Variants in AMPD3 observed in about 807,000 individuals in gnomAD.
AMPD3 encodes AMP deaminase 3.
In AMPD3, 57 loss-of-function variants were observed where a neutral mutation model predicts 82.3. The ratio of observed to expected loss-of-function variants is 0.69; its 90% CI spans 0.56 to 0.86. AMPD3 has a LOEUF of 0.86. AMPD3 is among the 40% of genes least tolerant of loss of function. The pLI, the probability that AMPD3 is intolerant of heterozygous loss-of-function variation, is 0.00. For synonymous variants in AMPD3, 381 were observed against 394.7 expected (o/e 0.97, Z 0.41); for missense variants, 870 against 1,003.8 (o/e 0.87, Z 1.80).
chr11:10,477,072 C>T (rs963692737), intron 2 of AMPD3: 13 of 985,294 alleles, frequency 1.3e-5, no homozygotes, highest in Admixed American at 6.2e-5. Context: ...TGTGTAAACA[C>T]GGGAGGAGAA....
Position 10,500,158 on chromosome 11 carries a change from C to T in AMPD3, c.1630C>T (p.Pro544Ser). The T allele has an allele frequency of 6.2e-7, 1 of 1,614,214 alleles. No homozygotes were observed. Among genetic ancestry groups the T allele is most frequent in the Admixed American group, 1.7e-5 (1 of 60,030 alleles). The change falls in exon 11 of 15, where the codon CCG becomes TCG. Residue 544 changes from proline (P) to serine (S), a missense_variant. Pro to Ser is a moderately conservative substitution (Grantham distance 74). Transcript: ENST00000396553. ...DHMFSDKSPNPDVWTSEQNPP... is the reference protein window; with the variant it reads ...DHMFSDKSPNSDVWTSEQNPP... ...CATGTTTTCCGACAAGAGCCCAAAC[C>T]CGGACGTCTGGACCAGTGAGCAGAA... is the stretch of plus-strand genomic sequence containing the variant.
chr11:10,455,084 C>A, upstream of AMPD3: 1 of 941,800 alleles, frequency 1.1e-6, no homozygotes, highest in Non-Finnish European at 1.3e-6. Flanking sequence ...GGAGGTGACT[C>A]AGGCCCAAGT....
intron 2 of AMPD3, among the ~76,000 whole-genome samples, chr11:10,466,325 A>G (rs1848420195): frequency 6.6e-6 from 1 of 151,432 alleles, no homozygotes. Flanking sequence ...GCAGTCTGAG[A>G]TCAATCTGGG....
At chr11:10,482,042 C>T in intron 3 of AMPD3, 21 bp from the exon 4 acceptor site, 1 of 1,614,176 alleles carries the variant, frequency 6.2e-7, no homozygotes, top group Non-Finnish European at 8.5e-7. Flanking sequence ...GAACCCTTTC[C>T]TGCCTGCCTC....
intron 4 of AMPD3, among the ~76,000 whole-genome samples, chr11:10,483,045 G>T (rs905764013): frequency 2.0e-5 from 3 of 152,168 alleles, no homozygotes; most frequent in Non-Finnish European, 4.4e-5. Flanking sequence ...ATCTGTAAAT[G>T]GAAATGCAAA....
chr11:10,486,747 C>T (rs1039098410), intron 5 of AMPD3: 3 of 985,206 alleles, frequency 3.0e-6, no homozygotes, highest in Non-Finnish European at 3.6e-6. Flanking sequence ...GTTATCAATC[C>T]TCTGGGCAAC....
At chr11:10,450,559 GC>G, upstream of AMPD3, 7 of 986,740 alleles carry the variant, frequency 7.1e-6, no homozygotes, top group Non-Finnish European at 8.4e-6. Flanking sequence ...GCCCGGCGGG[GC>G]CAGCGCAGTT....
intron 7 of AMPD3, 174 bp downstream of exon 7, chr11:10,493,717 T>A (rs1351722555): frequency 2.6e-6 from 2 of 774,800 alleles, no homozygotes; most frequent in Admixed American, 2.0e-5. Flanking sequence ...GGGGCAGCCA[T>A]GGGACAGGGA....
In AMPD3 at chr11:10,500,127, C is replaced by T. The variant is rs543182538; in HGVS notation, c.1599C>T (p.Ser533=). 3.1e-6 allele frequency: 5 copies of T among 1,614,158 alleles called. No homozygotes were observed. The highest frequency in any genetic ancestry group is 1.7e-5 in the Admixed American group (1 of 60,034). Residue 533 remains serine, a synonymous_variant, in exon 11 of 15, where the codon AGC becomes AGT. Transcript: ENST00000396553. ...GCGTGGATGATGAGTCCAAGCACAG[C>T]GACCACATGTTTTCCGACAAGAGCC... ...FDSVDDESKH[S]DHMFSDKSPN...
chr11:10,486,100 G>C (rs1026770961), intron 5 of AMPD3, among the ~76,000 whole-genome samples: 2 of 152,168 alleles, frequency 1.3e-5, no homozygotes. Context: ...GGGCAGGGGC[G>C]GTTCCTCAGA....
chr11:10,483,628 G>A (rs999896422), intron 4 of AMPD3, among the ~76,000 whole-genome samples: 1 of 152,208 alleles, frequency 6.6e-6, no homozygotes, highest in African/African-American at 2.4e-5. Context: ...AGCTTCACCC[G>A]GGCCTTGAAC....
At chr11:10,502,047 C>G in intron 12 of AMPD3, 1 of 985,322 alleles carries the variant, frequency 1.0e-6, no homozygotes, top group Non-Finnish European at 1.2e-6. Context: ...TTGACTCAAC[C>G]AGTCCACACT....
intron 10 of AMPD3, among the ~76,000 whole-genome samples, chr11:10,498,835 G>C (rs1412689444): frequency 6.6e-6 from 1 of 152,196 alleles, no homozygotes; most frequent in South Asian, 2.1e-4. Flanking sequence ...AAGCACTGCC[G>C]TGGCCTGGTA....
chr11:10,505,271 T>C (rs1849685742), intron 14 of AMPD3: 4 of 978,294 alleles, frequency 4.1e-6, no homozygotes, highest in Non-Finnish European at 4.8e-6. Flanking sequence ...GGGGCTGTGC[T>C]CGTCGGATGA....
chr11:10,505,347 C>T, intron 14 of AMPD3: 3 of 976,058 alleles, frequency 3.1e-6, no homozygotes, highest in Non-Finnish European at 3.6e-6. Context: ...GATTGGCCCT[C>T]CCCAGGAACA....
intron 2 of AMPD3, among the ~76,000 whole-genome samples, chr11:10,475,288 T>C (rs1484089187): frequency 1.3e-5 from 2 of 152,148 alleles, no homozygotes; most frequent in Non-Finnish European, 2.9e-5. Context: ...ACCAAGGAGA[T>C]GGTGCTAGAC....
chr11:10,461,650 C>A lies in AMPD3; in HGVS notation c.131C>A (p.Pro44Gln). Residue 44 changes from proline to glutamine, a missense_variant, in exon 2 of 15, where the codon CCA (proline) becomes CAA (glutamine). By Grantham distance (76) the Pro-to-Gln change is moderately conservative. Transcript: ENST00000396553. ...SKDALSLFTVPEDCPIGQKEA... is the reference protein window; with the variant it reads ...SKDALSLFTVQEDCPIGQKEA... ...GATGCCCTGTCCCTGTTCACTGTCC[C>A]AGAGGACTGCCCCATCGGGCAAAAG... 6.2e-7 allele frequency: 1 copy of A among 1,614,214 alleles called. No homozygotes were observed. The highest frequency in any genetic ancestry group is 1.3e-5 in the African/African-American group (1 of 75,054).
chr11:10,493,518 C>A lies in AMPD3; in HGVS notation c.1109C>A (p.Thr370Asn). 6.2e-7 allele frequency: 1 copy of A among 1,614,192 alleles called. No homozygotes were observed. Among genetic ancestry groups the A allele is most frequent in the South Asian group, 1.1e-5 (1 of 91,082 alleles). The change falls in exon 7 of 15, where the codon ACT becomes AAT. Residue 370 changes from threonine to asparagine, a missense_variant. By Grantham distance (65) the Thr-to-Asn change is moderately conservative (BLOSUM62 0). Coordinates refer to ENST00000396553, the MANE Select transcript of AMPD3 (RefSeq NM_001025389.2). ...CTGCACATGGACCCCTACGACCTCA[C>A]TGTGGACTCACTGGATGTCCACGCG... is the stretch of plus-strand genomic sequence containing the variant. ...DGLHMDPYDLTVDSLDVHAGR... is the reference protein window; with the variant it reads ...DGLHMDPYDLNVDSLDVHAGR...
chr11:10,494,820 G>T lies in AMPD3; in HGVS notation c.1135-79G>T. ...TTTCGGTGTGGCCATACAGAAGGCC[G>T]CCTCGTAAAGGTCTAGAGAGGGGAA... On this transcript the variant is annotated intron_variant, in intron 7 of 14. Coordinates refer to ENST00000396553, the MANE Select transcript of AMPD3 (RefSeq NM_001025389.2). 3 of 1,575,832 alleles carry T rather than the reference G, an allele frequency of 1.9e-6. No individual in the cohort carries two copies. In the South Asian group the frequency reaches 3.3e-5, roughly 17 times the overall value.
Sources: allele counts gnomAD v4.1 joint callset (sites outside exome capture counted in the v4.1 genomes callset), GRCh38; gene constraint gnomAD v4.1.1; transcripts MANE v1.5; gene names NCBI Gene and HGNC (gene_info 2026-07-23, HGNC 2026-07-21).